Variants in COL19A1 observed in about 807,000 individuals in gnomAD.
The protein encoded by COL19A1 is collagen alpha-1(XIX) chain.
A neutral mutation model predicts 190.2 loss-of-function variants in COL19A1; 159 were observed. The observed-to-expected ratio is 0.84, with a 90% confidence interval of 0.73 to 0.95. COL19A1 has a LOEUF of 0.95. COL19A1 is among the 40% of genes least tolerant of loss of function. The probability of loss-of-function intolerance (pLI) is 0.00; values close to 1 mark genes in which losing one functional copy is unlikely to be tolerated. For missense variants in COL19A1, 1,418 were observed against 1,431.9 expected, an observed-to-expected ratio of 0.99 and a Z score of 0.16; for synonymous variants, 509 against 458.9, an observed-to-expected ratio of 1.11 and a Z score of -1.39.
chr6:70,185,217 TC>T (rs1766433066), intron 46 of COL19A1, among the ~76,000 whole-genome samples: 1 of 152,220 alleles, frequency 6.6e-6, no homozygotes, highest in African/African-American at 2.4e-5. Context: ...TCACCCATGT[TC>T]TTTTTATCTA....
At chr6:69,921,370 T>TATATATCATATATATC in intron 4 of COL19A1, among the ~76,000 whole-genome samples, 2 of 109,052 alleles carry the variant, frequency 1.8e-5, no homozygotes, top group South Asian at 5.9e-4. Context: ...ATATATATCA[T>TATATATCATATATATC]ATATATCATA....
At chr6:70,145,249 A>G (rs1376662025) in intron 25 of COL19A1, among the ~76,000 whole-genome samples, 1 of 152,182 alleles carries the variant, frequency 6.6e-6, no homozygotes, top group Non-Finnish European at 1.5e-5. Context: ...AACTCTATTC[A>G]TAGTAGCAAT....
At position 69,980,909 on chromosome 6, in the gene COL19A1, A is replaced by G. The variant is rs115021235; in HGVS notation, c.1026+18039A>G. On this transcript the variant is annotated intron_variant, in intron 11 of 50. Transcript: ENST00000620364. Reference sequence around the variant, plus strand: ...CATTGCTGGTGGTAAGTGTAGAGCTACAGTCTCTTTTAGAAAGCAACTGGG... The same window carrying G: ...CATTGCTGGTGGTAAGTGTAGAGCTGCAGTCTCTTTTAGAAAGCAACTGGG... Among the ~76,000 whole-genome samples the G allele has an allele frequency of 3.3e-3, 504 of 152,218 alleles. 3 individuals carry two copies. The highest frequency in any genetic ancestry group is 0.011 in the African/African-American group (450 of 41,532).
intron 12 of COL19A1, among the ~76,000 whole-genome samples, chr6:70,032,664 T>C (rs1779138408): frequency 6.6e-6 from 1 of 152,160 alleles, no homozygotes; most frequent in Admixed American, 6.5e-5. Context: ...ATATTGTAAA[T>C]CTAACAGTGT....
chr6:70,182,878 T>C (rs1378277790), intron 44 of COL19A1, among the ~76,000 whole-genome samples: 1 of 152,102 alleles, frequency 6.6e-6, no homozygotes, highest in Non-Finnish European at 1.5e-5. Context: ...AAGTGGGAAT[T>C]GGTCTTAACT....
At chr6:69,936,349 T>A (rs1025540924) in intron 7 of COL19A1, among the ~76,000 whole-genome samples, 1 of 152,184 alleles carries the variant, frequency 6.6e-6, no homozygotes. Context: ...CTACTTTATA[T>A]GCTTTAATAA....
In COL19A1 at chr6:69,898,849, T is replaced by C. The variant is rs553726903; in HGVS notation, c.92-99T>C. The C allele has an allele frequency of 6.3e-5, 46 of 733,160 alleles. No individual in the cohort carries two copies. The East Asian group carries it at 6.6e-4, about 11-fold the overall frequency. 45.4% of individuals were successfully genotyped at this position (733,160 alleles called of 1,614,324 possible). On this transcript the variant is annotated intron_variant, in intron 2 of 50. Transcript: ENST00000620364. The stretch of plus-strand genomic sequence containing the variant: ...CATTTTACAGAAATTTAATAAATGG[T>C]TTAATTTATTTCCATTTTATCTTAA...
At chr6:70,193,936 C>T (rs1014506737) in intron 48 of COL19A1, among the ~76,000 whole-genome samples, 2 of 152,162 alleles carry the variant, frequency 1.3e-5, no homozygotes, top group East Asian at 1.9e-4. Context: ...TTACCATTTT[C>T]GGAAAGTTTT....
At chr6:69,974,454 T>G (rs1775599087) in intron 11 of COL19A1, among the ~76,000 whole-genome samples, 1 of 152,190 alleles carries the variant, frequency 6.6e-6, no homozygotes, top group Non-Finnish European at 1.5e-5. Flanking sequence ...TACTTATGTG[T>G]ACAAATGAAT....
At position 69,929,552 on chromosome 6, in the gene COL19A1, A is replaced by T; in HGVS notation, c.518A>T (p.Lys173Ile). 1 of 1,614,078 alleles carries T rather than the reference A, an allele frequency of 6.2e-7. No homozygotes were observed. Among genetic ancestry groups the T allele is most frequent in the Non-Finnish European group, 8.5e-7 (1 of 1,179,974 alleles). ...LRPLFDRQWH[K>I]LGISIQSQVI... ...CCTTTGTTTGATCGTCAGTGGCACA[A>T]ACTTGGCATTAGTATACAATCCCAG... is the stretch of plus-strand genomic sequence containing the variant. Residue 173 changes from lysine to isoleucine, a missense_variant, in exon 6 of 51, where the codon AAA becomes ATA. Coordinates refer to ENST00000620364, the MANE Select transcript of COL19A1 (RefSeq NM_001858.6).
chr6:70,156,849 T>C (rs1241337024), intron 34 of COL19A1, 126 bp downstream of exon 34: 4 of 568,518 alleles, frequency 7.0e-6, no homozygotes, highest in Admixed American at 6.8e-5. Context: ...CAAAGACCAC[T>C]TAGAGCTTTT....
At chr6:69,908,701 T>C (rs1770712413) in intron 4 of COL19A1, among the ~76,000 whole-genome samples, 1 of 152,168 alleles carries the variant, frequency 6.6e-6, no homozygotes, top group Non-Finnish European at 1.5e-5. Flanking sequence ...ACATTTGATG[T>C]TATCATTATC....
intron 14 of COL19A1, among the ~76,000 whole-genome samples, chr6:70,066,137 G>A (rs1353739812): frequency 1.3e-5 from 2 of 152,154 alleles, no homozygotes; most frequent in Non-Finnish European, 2.9e-5. Context: ...CTGCTATAAA[G>A]ACACATGCAC....
intron 11 of COL19A1, among the ~76,000 whole-genome samples, chr6:69,977,322 C>T (rs1347891404): frequency 6.8e-6 from 1 of 147,688 alleles, no homozygotes; most frequent in Admixed American, 7.1e-5. Context: ...GACAAAAAGC[C>T]AAACACCATA....
At chr6:69,974,453 G>A (rs1339361019) in intron 11 of COL19A1, among the ~76,000 whole-genome samples, 2 of 152,186 alleles carry the variant, frequency 1.3e-5, no homozygotes, top group Admixed American at 6.5e-5. Flanking sequence ...TTACTTATGT[G>A]TACAAATGAA....
intron 16 of COL19A1, among the ~76,000 whole-genome samples, chr6:70,104,420 T>C (rs1344853339): frequency 1.3e-5 from 2 of 152,118 alleles, no homozygotes; most frequent in East Asian, 3.9e-4. Context: ...AGTGCACTTT[T>C]AAGCAACCTA....
At chr6:70,068,357 C>T in intron 14 of COL19A1, 66 bp from the exon 15 acceptor site, 1 of 1,030,788 alleles carries the variant, frequency 9.7e-7, no homozygotes, top group East Asian at 2.4e-5. Flanking sequence ...TTAATTTTCA[C>T]AACATTCTTT....
chr6:70,190,831 G>C (rs865816209), intron 48 of COL19A1, among the ~76,000 whole-genome samples: 13 of 152,158 alleles, frequency 8.5e-5, no homozygotes, highest in Non-Finnish European at 1.6e-4. Flanking sequence ...TCAGCAAACT[G>C]TACCCCCTAG....
intron 15 of COL19A1, among the ~76,000 whole-genome samples, chr6:70,087,845 A>T (rs554326257): frequency 6.6e-6 from 1 of 152,348 alleles, no homozygotes; most frequent in South Asian, 2.1e-4. Flanking sequence ...CCCATAAGTT[A>T]TCCATGATGA....
Sources: gnomAD v4.1 joint callset for allele counts (sites outside exome capture counted in the v4.1 genomes callset) on GRCh38, gnomAD v4.1.1 for gene constraint, MANE v1.5 for transcripts, NCBI Gene and HGNC (gene_info 2026-07-23, HGNC 2026-07-21) for gene names.